The following NUBPL variants were observed in gnomAD, a reference collection of about 807,000 sequenced individuals.
NUBPL encodes the protein NUBP iron-sulfur cluster assembly factor, mitochondrial, also known as iron-sulfur cluster transfer protein NUBPL.
Under a neutral mutation model 45.7 loss-of-function variants are expected in NUBPL, and 31 were observed. The ratio of observed to expected loss-of-function variants is 0.68; its 90% CI spans 0.51 to 0.92. The LOEUF is 0.92. Ranked by LOEUF, NUBPL falls within the 40% of genes least tolerant of loss-of-function variation. NUBPL has a pLI of 0.00. For missense variants in NUBPL, 401 were observed against 398.7 expected (o/e 1.01, Z -0.05); for synonymous variants, 144 against 140.9 (o/e 1.02, Z -0.15).
At chr14:31,729,279 C>G (rs958458021) in intron 6 of NUBPL, among the ~76,000 whole-genome samples, 1 of 78,460 alleles carries the variant, frequency 1.3e-5, no homozygotes, top group Non-Finnish European at 3.7e-5. Context: ...GCTCCATCCC[C>G]CCCCCCCCCA....
intron 6 of NUBPL, among the ~76,000 whole-genome samples, chr14:31,762,308 T>C (rs2038828238): frequency 6.6e-6 from 1 of 152,188 alleles, no homozygotes; most frequent in East Asian, 1.9e-4. Flanking sequence ...TTTTAACATG[T>C]GATAGCACCT....
intron 6 of NUBPL, among the ~76,000 whole-genome samples, chr14:31,681,618 C>T (rs1402602447): frequency 1.3e-5 from 2 of 151,664 alleles, no homozygotes; most frequent in Non-Finnish European, 2.9e-5. Context: ...CTTTTTCTAG[C>T]TCTTAAGGTA....
At chr14:31,633,037 C>A (rs975486046) in intron 4 of NUBPL, among the ~76,000 whole-genome samples, 1 of 152,206 alleles carries the variant, frequency 6.6e-6, no homozygotes, top group African/African-American at 2.4e-5. Context: ...GTGAGGCATT[C>A]TTTGCTATAA....
chr14:31,601,152 T>C (rs2139563519), intron 4 of NUBPL, among the ~76,000 whole-genome samples: 1 of 152,374 alleles, frequency 6.6e-6, no homozygotes, highest in South Asian at 2.1e-4. Context: ...TTTTGGTTAC[T>C]GTAACCTTGC....
chr14:31,723,507 C>T (rs980775911), intron 6 of NUBPL, among the ~76,000 whole-genome samples: 1 of 152,152 alleles, frequency 6.6e-6, no homozygotes, highest in East Asian at 1.9e-4. Context: ...ATAAGACTGC[C>T]ATTGAATCTG....
intron 6 of NUBPL, among the ~76,000 whole-genome samples, chr14:31,776,746 G>A (rs111272036): frequency 2.0e-5 from 3 of 152,240 alleles, no homozygotes; most frequent in South Asian, 2.1e-4. Context: ...GTTCCAAATC[G>A]CCCCTTTATT....
intron 3 of NUBPL, 68 bp downstream of exon 3, chr14:31,565,116 G>A (rs901822718): frequency 1.2e-5 from 11 of 939,340 alleles, no homozygotes; most frequent in Middle Eastern, 5.6e-4. Context: ...AGAGCATATT[G>A]GTGTTTTTTA....
At chr14:31,644,715 T>C (rs981732214) in intron 4 of NUBPL, among the ~76,000 whole-genome samples, 2 of 152,150 alleles carry the variant, frequency 1.3e-5, no homozygotes, top group Non-Finnish European at 2.9e-5. Context: ...ATTTTTTGTC[T>C]AGATGATCCA....
chr14:31,799,307 C>T (rs1393173156), intron 7 of NUBPL, among the ~76,000 whole-genome samples: 1 of 152,096 alleles, frequency 6.6e-6, no homozygotes, highest in Admixed American at 6.5e-5. Flanking sequence ...GGAATATTTA[C>T]ATTCATTATC....
At chr14:31,733,748 T>C (rs2038104553) in intron 6 of NUBPL, among the ~76,000 whole-genome samples, 1 of 152,202 alleles carries the variant, frequency 6.6e-6, no homozygotes, top group Non-Finnish European at 1.5e-5. Flanking sequence ...CACTTTTCAG[T>C]ATTTATGACT....
intron 7 of NUBPL, among the ~76,000 whole-genome samples, chr14:31,798,100 A>G (rs959894428): frequency 4.0e-5 from 6 of 151,850 alleles, no homozygotes; most frequent in Non-Finnish European, 5.9e-5. Flanking sequence ...CTGCCGAGAG[A>G]TCCGCTGTTA....
chr14:31,824,025 T>C (rs2040059629), intron 7 of NUBPL, among the ~76,000 whole-genome samples: 1 of 152,120 alleles, frequency 6.6e-6, no homozygotes, highest in African/African-American at 2.4e-5. Context: ...AGCTGCCTGA[T>C]AGCCTTTAGG....
chr14:31,750,490 C>T (rs895334780), intron 6 of NUBPL, among the ~76,000 whole-genome samples: 3 of 151,874 alleles, frequency 2.0e-5, no homozygotes, highest in South Asian at 2.1e-4. Flanking sequence ...AGCCACCGCG[C>T]CTGGCCACAA....
chr14:31,734,840 C>T (rs1247899024), intron 6 of NUBPL, among the ~76,000 whole-genome samples: 2 of 152,164 alleles, frequency 1.3e-5, no homozygotes, highest in Admixed American at 6.6e-5. Context: ...GCTAGCTACT[C>T]CTCTTCTGTG....
Position 31,804,629 on chromosome 14 carries a change from C to T in NUBPL, c.607+16756C>T, listed in dbSNP as rs572796929. On this transcript the variant is annotated intron_variant, in intron 7 of 10. Coordinates refer to ENST00000281081, the MANE Select transcript of NUBPL (RefSeq NM_025152.3). Reference sequence around the variant, plus strand: ...ATAATAGAGAGCCCAGAAGTAAGGCCGCACATCTATGACCATTTGATCTTC... The same window carrying T: ...ATAATAGAGAGCCCAGAAGTAAGGCTGCACATCTATGACCATTTGATCTTC... Among the ~76,000 whole-genome samples the T allele has an allele frequency of 5.3e-4, 80 of 152,182 alleles. 1 individual carries two copies. The South Asian group carries it at 0.015, about 29-fold the overall frequency.
intron 4 of NUBPL, among the ~76,000 whole-genome samples, chr14:31,652,612 T>A (rs1286309659): frequency 6.6e-6 from 1 of 152,200 alleles, no homozygotes; most frequent in East Asian, 1.9e-4. Flanking sequence ...AATGATGGCA[T>A]TTATATAAAG....
intron 2 of NUBPL, 152 bp from the exon 3 acceptor site, chr14:31,564,862 A>T (rs2033395120): frequency 1.9e-6 from 1 of 525,048 alleles, no homozygotes; most frequent in East Asian, 3.1e-5. Flanking sequence ...CAAGTAAGGG[A>T]TATATGTTCA....
intron 3 of NUBPL, among the ~76,000 whole-genome samples, chr14:31,572,379 T>A (rs534311360): frequency 6.6e-6 from 1 of 152,208 alleles, no homozygotes; most frequent in Non-Finnish European, 1.5e-5. Flanking sequence ...GACCTCATGA[T>A]CCGCCTGCTT....
At chr14:31,672,369 T>G (rs2036592454) in intron 4 of NUBPL, among the ~76,000 whole-genome samples, 1 of 152,022 alleles carries the variant, frequency 6.6e-6, no homozygotes, top group African/African-American at 2.4e-5. Flanking sequence ...ATTTATATGT[T>G]TATGTATCTT....
Sources: gnomAD v4.1 joint callset for allele counts (sites outside exome capture counted in the v4.1 genomes callset) on GRCh38, gnomAD v4.1.1 for gene constraint, MANE v1.5 for transcripts, NCBI Gene and HGNC (gene_info 2026-07-23, HGNC 2026-07-21) for gene names.